CARS2: variants seen among roughly 807,000 people sequenced by gnomAD.
The protein encoded by CARS2 is cysteinyl-tRNA synthetase 2, mitochondrial, also known as probable cysteine--tRNA ligase, mitochondrial.
A neutral mutation model predicts 68.8 loss-of-function variants in CARS2; 52 were observed. The ratio of observed to expected loss-of-function variants is 0.76; its 90% CI spans 0.61 to 0.95. The LOEUF (loss-of-function observed/expected upper bound fraction) is 0.95, where lower values mean the gene tolerates loss of function less well. Ranked by LOEUF, CARS2 falls within the 40% of genes least tolerant of loss-of-function variation. CARS2 has a pLI of 0.00. For synonymous variants in CARS2, 314 were observed against 303.6 expected (o/e 1.03, Z -0.36); for missense variants, 780 against 754.2 (o/e 1.03, Z -0.40).
chr13:110,695,026 T>C (rs1215757339), intron 3 of CARS2, among the ~76,000 whole-genome samples: 1 of 152,090 alleles, frequency 6.6e-6, no homozygotes, highest in East Asian at 1.9e-4. Context: ...CTCATGCCTG[T>C]AATCCCAGCA....
chr13:110,652,427 G>A (rs1031870976), intron 9 of CARS2, among the ~76,000 whole-genome samples: 1 of 152,270 alleles, frequency 6.6e-6, no homozygotes, highest in African/African-American at 2.4e-5. Flanking sequence ...ACCCTACTGA[G>A]AGCAAAACAC....
upstream of CARS2, among the ~76,000 whole-genome samples, chr13:110,710,402 T>C (rs1008145486): frequency 5.9e-5 from 9 of 152,160 alleles, no homozygotes; most frequent in Non-Finnish European, 1.2e-4. Context: ...AAAAGAATTA[T>C]ATGTTCATCT....
At position 110,668,883 on chromosome 13, in the gene CARS2, T is replaced by G. The variant is rs1457744478; in HGVS notation, c.786-1410A>C. The stretch of plus-strand genomic sequence containing the variant: ...TAATCTTTCAACAAAAATAAGAATT[T>G]CACATAACATTACATTTGAAACTCA... On this transcript the variant is annotated intron_variant, in intron 7 of 14. Transcript: ENST00000257347. This position sits in a 1 kb window ranked among gnomAD's most constrained non-coding sequence, Gnocchi z 4.1. Among the ~76,000 whole-genome samples, 3 of 152,234 alleles carry G rather than the reference T, an allele frequency of 2.0e-5. No homozygotes were observed. Among genetic ancestry groups the G allele is most frequent in the Non-Finnish European group, 4.4e-5 (3 of 68,040 alleles).
rs1204098073 is a variant in CARS2, at chr13:110,653,319, C to T, written c.988-2219G>A. Among the ~76,000 whole-genome samples the T allele has an allele frequency of 6.6e-6, 1 of 152,036 alleles. No individual in the cohort carries two copies. The highest frequency in any genetic ancestry group is 2.4e-5 in the African/African-American group (1 of 41,382). On this transcript the variant is annotated intron_variant, in intron 9 of 14. Coordinates refer to ENST00000257347, the MANE Select transcript of CARS2 (RefSeq NM_024537.4). The surrounding 1 kb of genome is among the most constrained non-coding windows in gnomAD (Gnocchi z 5.6). ...TGTCCATCTCCCGGGTGCTCCTTCC[C>T]AAATTGTGAAAAAAGGAATATTACT...
chr13:110,710,401 A>G (rs1416281459), upstream of CARS2, among the ~76,000 whole-genome samples: 3 of 152,104 alleles, frequency 2.0e-5, no homozygotes, highest in South Asian at 4.1e-4. Flanking sequence ...AAAAAGAATT[A>G]TATGTTCATC....
At chr13:110,675,355 A>T (rs2062916146) in intron 7 of CARS2, among the ~76,000 whole-genome samples, 1 of 152,254 alleles carries the variant, frequency 6.6e-6, no homozygotes, top group African/African-American at 2.4e-5. Flanking sequence ...TGGCATATAT[A>T]CACCATGGAA....
At chr13:110,712,818 G>A in intron 1 of CARS2, 1 of 852,816 alleles carries the variant, frequency 1.2e-6, no homozygotes, top group South Asian at 1.4e-5. Context: ...CACCTCTTCT[G>A]GGGCTCGGCA....
chr13:110,647,033 G>A (rs574737986), intron 11 of CARS2, 68 bp downstream of exon 11: 1 of 1,475,808 alleles, frequency 6.8e-7, no homozygotes, highest in East Asian at 2.5e-5. Context: ...TCCCCTTCAA[G>A]AGCCCACCAG....
chr13:110,707,737 A>T (rs1292164985), upstream of CARS2: 1 of 152,170 alleles, frequency 6.6e-6, no homozygotes, highest in Non-Finnish European at 1.5e-5. Context: ...TTCTCAAAAC[A>T]GGAGACGTTC....
Position 110,668,691 on chromosome 13 carries a change from C to G in CARS2, c.786-1218G>C, listed in dbSNP as rs1413078432. Among the ~76,000 whole-genome samples, 1 of 152,124 alleles carries G rather than the reference C, an allele frequency of 6.6e-6. No individual in the cohort carries two copies. The highest frequency in any genetic ancestry group is 1.5e-5 in the Non-Finnish European group (1 of 68,038). On this transcript the variant is annotated intron_variant, in intron 7 of 14. Transcript: ENST00000257347. The surrounding 1 kb of genome is among the most constrained non-coding windows in gnomAD (Gnocchi z 4.1). ...CTCATTTGTATTTGGATGGGCAATT[C>G]TCCCTTCCGAAGATCTGAAGCCAAC... is the stretch of plus-strand genomic sequence containing the variant.
Position 110,705,677 on chromosome 13 carries a change from G to T in CARS2, c.225-106C>A, listed in dbSNP as rs775061921. ...ATTTTTAAAGTAATCACTTCTGGGGGATGAATAGCCGGGGTTTTCATACTT... is the reference window on the plus strand; with the variant it reads ...ATTTTTAAAGTAATCACTTCTGGGGTATGAATAGCCGGGGTTTTCATACTT... On this transcript the variant is annotated intron_variant, in intron 1 of 14. Transcript: ENST00000257347. This position sits in a 1 kb window ranked among gnomAD's most constrained non-coding sequence, Gnocchi z 4.0. The T allele has an allele frequency of 2.7e-6, 4 of 1,462,638 alleles. No homozygotes were observed. The South Asian group carries it at 3.6e-5, about 13-fold the overall frequency. The allele number at this position is 1,462,638 out of a possible 1,614,324, so 90.6% of individuals were successfully genotyped here. A position where few individuals can be genotyped will look rare whatever the true frequency, so the allele number is the denominator to read the frequency against.
chr13:110,711,462 C>T (rs545208604), upstream of CARS2, among the ~76,000 whole-genome samples: 1 of 152,360 alleles, frequency 6.6e-6, no homozygotes, highest in South Asian at 2.1e-4. Context: ...AATTCGCCCG[C>T]CTCGGCCTCC....
intron 3 of CARS2, among the ~76,000 whole-genome samples, chr13:110,693,334 T>C (rs920100005): frequency 6.6e-6 from 1 of 152,172 alleles, no homozygotes; most frequent in South Asian, 2.1e-4. Context: ...AATACCCACC[T>C]ACTGCTGCTG....
At chr13:110,650,830 C>T (rs1038511954) in intron 10 of CARS2, 5 of 521,780 alleles carry the variant, frequency 9.6e-6, no homozygotes, top group Non-Finnish European at 1.3e-5. Context: ...CGAGGAAGCC[C>T]ACATCCACTG....
chr13:110,683,106 T>A lies in CARS2; in HGVS notation c.600A>T (p.Arg200Ser). The change falls in exon 6 of 15, where the codon AGA (arginine) becomes AGT (serine). Residue 200 changes from arginine to serine, a missense_variant. Arg to Ser is a moderately radical substitution (Grantham distance 110). Coordinates refer to ENST00000257347, the MANE Select transcript of CARS2 (RefSeq NM_024537.4). ...CGACCAATTTGCCATACTTGTCTCC[T>A]CTAGACTTCAGATCGAAGTAGACAT... ...KGNVYFDLKS[R>S]GDKYGKLVGV... The A allele has an allele frequency of 1.2e-6, 2 of 1,601,344 alleles. No homozygotes were observed. Among genetic ancestry groups the A allele is most frequent in the Non-Finnish European group, 1.7e-6 (2 of 1,175,636 alleles).
At chr13:110,651,874 T>C (rs1359698713) in intron 9 of CARS2, among the ~76,000 whole-genome samples, 2 of 152,134 alleles carry the variant, frequency 1.3e-5, no homozygotes, top group Non-Finnish European at 2.9e-5. Flanking sequence ...TTTTAAGAGA[T>C]GAGATGAGTG....
rs2062697489 is a variant in CARS2 at position 110,668,071 on chromosome 13, C to G, written c.786-598G>C. On this transcript the variant is annotated intron_variant, in intron 7 of 14. Transcript: ENST00000257347. This position sits in a 1 kb window ranked among gnomAD's most constrained non-coding sequence, Gnocchi z 4.1. ...TGCAGAAGCATGGCGACGCAGCAGG[C>G]CGGTGGATTTTCTTAAAATGATAGA... 6.6e-6 allele frequency among the ~76,000 whole-genome samples: 1 copy of G among 152,178 alleles called. No homozygotes were observed. Among genetic ancestry groups the G allele is most frequent in the Non-Finnish European group, 1.5e-5 (1 of 68,028 alleles).
intron 5 of CARS2, among the ~76,000 whole-genome samples, chr13:110,685,399 AGCAGATCCTCAGGGCCTCACGT>A (rs2063272187): frequency 6.6e-6 from 1 of 152,188 alleles, no homozygotes; most frequent in African/African-American, 2.4e-5. Flanking sequence ...GAGCCTACTG[AGCAGATCCTCAGGGCCTCACGT>A]GCTCATCTTA....
intron 3 of CARS2, among the ~76,000 whole-genome samples, chr13:110,694,376 G>A (rs1463558343): frequency 1.3e-5 from 2 of 149,856 alleles, no homozygotes; most frequent in African/African-American, 2.4e-5. Flanking sequence ...GGTAGCTCAC[G>A]CCTGTAATCC....
Sources: allele counts gnomAD v4.1 joint callset (sites outside exome capture counted in the v4.1 genomes callset), GRCh38; gene constraint gnomAD v4.1.1; non-coding constraint Gnocchi (gnomAD v3.1); transcripts MANE v1.5; gene names NCBI Gene and HGNC (gene_info 2026-07-23, HGNC 2026-07-21).